The following RARB variants were observed in gnomAD, a reference collection of about 807,000 sequenced individuals.
RARB encodes the protein retinoic acid receptor beta.
RARB carries 17 observed loss-of-function variants against 51.9 expected under a neutral mutation model. The observed-to-expected ratio is 0.33, with a 90% confidence interval of 0.22 to 0.49. RARB has a LOEUF of 0.49. Among genes scored for constraint, RARB ranks in the 20% least tolerant of loss-of-function variants. RARB has a pLI of 0.99. For missense variants in RARB, 369 were observed against 550.8 expected, an observed-to-expected ratio of 0.67 and a Z score of 3.30; for synonymous variants, 215 against 195.4, an observed-to-expected ratio of 1.10 and a Z score of -0.84.
intron 1 of RARB, among the ~76,000 whole-genome samples, chr3:24,840,429 A>G (rs1311133715): frequency 6.6e-6 from 1 of 152,194 alleles, no homozygotes; most frequent in East Asian, 1.9e-4. Flanking sequence ...GGTTTTCCCC[A>G]GAAATGCCCA....
At chr3:25,265,553 A>G (rs1575269938) in intron 5 of RARB, among the ~76,000 whole-genome samples, 1 of 151,996 alleles carries the variant, frequency 6.6e-6, no homozygotes, top group African/African-American at 2.4e-5. Context: ...GCTCACTGCA[A>G]CCTCCACCTC....
intron 5 of RARB, among the ~76,000 whole-genome samples, chr3:25,361,790 CGTGA>C (rs1452367363): frequency 1.3e-5 from 2 of 152,274 alleles, no homozygotes; most frequent in East Asian, 3.9e-4. Context: ...ACCCTGTTTG[CGTGA>C]GTATCACCAG....
At chr3:25,153,432 C>T (rs1207545888) in intron 4 of RARB, among the ~76,000 whole-genome samples, 1 of 152,088 alleles carries the variant, frequency 6.6e-6, no homozygotes, top group Non-Finnish European at 1.5e-5. Context: ...GAGTTACCGC[C>T]ATAAAGTACA....
intron 4 of RARB, among the ~76,000 whole-genome samples, chr3:25,577,276 A>C (rs1209101275): frequency 6.6e-6 from 1 of 152,208 alleles, no homozygotes; most frequent in African/African-American, 2.4e-5. Flanking sequence ...AATGGGGACC[A>C]TAATGGTGCC....
At chr3:25,139,778 G>C (rs745573086) in intron 4 of RARB, among the ~76,000 whole-genome samples, 3 of 152,124 alleles carry the variant, frequency 2.0e-5, no homozygotes, top group African/African-American at 4.8e-5. Context: ...AAGAGGAGAA[G>C]TCAGTGCATG....
chr3:25,078,338 T>G (rs1367640491), intron 3 of RARB, among the ~76,000 whole-genome samples: 1 of 152,132 alleles, frequency 6.6e-6, no homozygotes, highest in Non-Finnish European at 1.5e-5. Flanking sequence ...TAATACTCAG[T>G]TTTTGCAATA....
At chr3:25,302,867 T>C (rs1014627446) in intron 5 of RARB, among the ~76,000 whole-genome samples, 1 of 152,210 alleles carries the variant, frequency 6.6e-6, no homozygotes, top group Non-Finnish European at 1.5e-5. Context: ...TCCACACTTT[T>C]GTGGTTTGGA....
At chr3:24,956,314 T>C (rs895315281) in intron 2 of RARB, among the ~76,000 whole-genome samples, 1 of 152,348 alleles carries the variant, frequency 6.6e-6, no homozygotes, top group African/African-American at 2.4e-5. Context: ...TGTATAATAA[T>C]ATCTTCATCA....
At chr3:25,407,838 C>T (rs569172752) in intron 5 of RARB, among the ~76,000 whole-genome samples, 43 of 152,186 alleles carry the variant, frequency 2.8e-4, no homozygotes, top group Non-Finnish European at 5.4e-4. Flanking sequence ...ATTAAACATC[C>T]CTAAACAAGA....
At chr3:25,232,691 A>G (rs898403940) in intron 5 of RARB, among the ~76,000 whole-genome samples, 1 of 152,164 alleles carries the variant, frequency 6.6e-6, no homozygotes, top group Non-Finnish European at 1.5e-5. Context: ...TCCCCAACTT[A>G]TGATGATGCA....
chr3:24,905,469 A>C (rs2125374886), intron 2 of RARB, among the ~76,000 whole-genome samples: 1 of 152,288 alleles, frequency 6.6e-6, no homozygotes, highest in South Asian at 2.1e-4. Flanking sequence ...GGTACTCATT[A>C]TTGATGGGCT....
chr3:25,326,828 AT>A (rs58932403), intron 5 of RARB, among the ~76,000 whole-genome samples: 85,585 of 150,788 alleles, frequency 0.57, 24,474 homozygotes, highest in East Asian at 0.84. Flanking sequence ...AGACACAGGG[AT>A]TTTTTTTTTT....
chr3:25,157,174 G>C (rs923669556), intron 4 of RARB, among the ~76,000 whole-genome samples: 6 of 152,104 alleles, frequency 3.9e-5, no homozygotes, highest in Non-Finnish European at 5.9e-5. Flanking sequence ...AAACAAATAT[G>C]GGAAAAAGTG....
intron 5 of RARB, among the ~76,000 whole-genome samples, chr3:25,352,577 A>G (rs1705608068): frequency 6.6e-6 from 1 of 152,142 alleles, no homozygotes. Flanking sequence ...AAGAAACTTA[A>G]TGTTTTTCTT....
intron 1 of RARB, among the ~76,000 whole-genome samples, chr3:24,832,647 AT>A: frequency 2.1e-5 from 3 of 144,422 alleles, no homozygotes. Context: ...ATATATATAT[AT>A]ATAATGTCAA....
At chr3:25,435,404 C>G (rs377386030) in intron 1 of RARB, among the ~76,000 whole-genome samples, 7 of 152,082 alleles carry the variant, frequency 4.6e-5, no homozygotes, top group African/African-American at 1.7e-4. Flanking sequence ...TTTGTCTTCT[C>G]AAAAATATTA....
At chr3:25,086,328 A>G (rs533585141) in intron 3 of RARB, among the ~76,000 whole-genome samples, 5 of 152,286 alleles carry the variant, frequency 3.3e-5, no homozygotes, top group Admixed American at 2.6e-4. Context: ...TGTTCAATAC[A>G]TCTTACAAGA....
intron 3 of RARB, among the ~76,000 whole-genome samples, chr3:25,094,741 AG>A (rs1699263234): frequency 1.4e-5 from 2 of 147,878 alleles, no homozygotes; most frequent in East Asian, 3.9e-4. Context: ...AAAAAAAAAA[AG>A]GAAACTGCAA....
At chr3:24,839,904 C>T (rs1191549564) in intron 1 of RARB, among the ~76,000 whole-genome samples, 5 of 151,940 alleles carry the variant, frequency 3.3e-5, no homozygotes, top group Non-Finnish European at 5.9e-5. Context: ...TCCTACAAAT[C>T]GAGTTTAAGG....
Sources: gnomAD v4.1 joint callset for allele counts (sites outside exome capture counted in the v4.1 genomes callset) on GRCh38, gnomAD v4.1.1 for gene constraint, MANE v1.5 for transcripts, NCBI Gene and HGNC (gene_info 2026-07-23, HGNC 2026-07-21) for gene names.